Variants in FHIT observed in about 807,000 individuals in gnomAD.
FHIT encodes the protein fragile histidine triad diadenosine triphosphatase.
FHIT carries 19 observed loss-of-function variants against 17.9 expected under a neutral mutation model. The ratio of observed to expected loss-of-function variants is 1.06; its 90% confidence interval spans 0.74 to 1.56. FHIT has a LOEUF of 1.56. Among genes scored for constraint, FHIT ranks in the 40% most tolerant of loss-of-function variants. The pLI, the probability that FHIT is intolerant of heterozygous loss-of-function variation, is 0.00. For missense variants in FHIT, 248 were observed against 189.2 expected, an observed-to-expected ratio of 1.31 and a Z score of -1.82; for synonymous variants, 81 against 69.7, an observed-to-expected ratio of 1.16 and a Z score of -0.81.
At chr3:61,064,052 C>T (rs2034520977) in intron 2 of FHIT, among the ~76,000 whole-genome samples, 1 of 152,216 alleles carries the variant, frequency 6.6e-6, no homozygotes, top group African/African-American at 2.4e-5. Context: ...GGAAGATAGG[C>T]CTTACTCTCA....
chr3:60,813,931 C>T (rs1701649379), intron 4 of FHIT, among the ~76,000 whole-genome samples: 1 of 152,048 alleles, frequency 6.6e-6, no homozygotes, highest in South Asian at 2.1e-4. Flanking sequence ...ATGCTGTTTC[C>T]ATGGTGTATT....
intron 2 of FHIT, among the ~76,000 whole-genome samples, chr3:61,064,690 C>T (rs531958850): frequency 3.1e-4 from 47 of 152,160 alleles, no homozygotes; most frequent in Non-Finnish European, 5.7e-4. Context: ...AACGCCCACA[C>T]GCTGCTTCAA....
chr3:60,194,802 G>A (rs1265332017), intron 5 of FHIT, among the ~76,000 whole-genome samples: 1 of 152,076 alleles, frequency 6.6e-6, no homozygotes, highest in Non-Finnish European at 1.5e-5. Context: ...CTCAAAAGAA[G>A]ATATACAAGT....
chr3:59,776,698 T>C (rs1489390281), intron 8 of FHIT, among the ~76,000 whole-genome samples: 2 of 152,192 alleles, frequency 1.3e-5, no homozygotes, highest in African/African-American at 4.8e-5. Flanking sequence ...ATTCTCCCCT[T>C]CAATAATAAT....
chr3:59,815,399 A>G (rs1048194326), intron 8 of FHIT, among the ~76,000 whole-genome samples: 4 of 152,188 alleles, frequency 2.6e-5, no homozygotes, highest in Non-Finnish European at 5.9e-5. Context: ...AGAGGAAAAG[A>G]TGTCATTATA....
intron 5 of FHIT, among the ~76,000 whole-genome samples, chr3:60,198,496 A>G (rs1702748538): frequency 6.6e-6 from 1 of 152,110 alleles, no homozygotes. Flanking sequence ...TACTGCATGC[A>G]TACCTTCCCA....
At chr3:60,019,658 T>C (rs999460067) in intron 5 of FHIT, among the ~76,000 whole-genome samples, 2 of 152,154 alleles carry the variant, frequency 1.3e-5, no homozygotes, top group South Asian at 2.1e-4. Context: ...CCTTAGGTGA[T>C]CCACCTGCCT....
At chr3:60,675,680 A>G (rs782203766) in intron 4 of FHIT, among the ~76,000 whole-genome samples, 4 of 152,200 alleles carry the variant, frequency 2.6e-5, no homozygotes, top group African/African-American at 4.8e-5. Context: ...ATCTGTCTCT[A>G]TGATAGACTC....
intron 3 of FHIT, among the ~76,000 whole-genome samples, chr3:60,838,659 A>G (rs912393822): frequency 2.0e-5 from 3 of 152,118 alleles, no homozygotes; most frequent in African/African-American, 7.2e-5. Context: ...CCTGAGTCTC[A>G]GCAGAAACTC....
intron 2 of FHIT, among the ~76,000 whole-genome samples, chr3:61,046,519 G>A (rs1188271518): frequency 1.1e-4 from 17 of 152,158 alleles, no homozygotes; most frequent in Admixed American, 1.1e-3. Flanking sequence ...ACCAAAAAAA[G>A]TCCAGGACCC....
At chr3:59,754,504 A>G (rs1468132097) in intron 8 of FHIT, among the ~76,000 whole-genome samples, 1 of 142,748 alleles carries the variant, frequency 7.0e-6, no homozygotes, top group Non-Finnish European at 1.5e-5. Context: ...AATCCATCTT[A>G]TCTTATAACA....
chr3:60,085,129 C>T (rs1025078432), intron 5 of FHIT, among the ~76,000 whole-genome samples: 2 of 152,206 alleles, frequency 1.3e-5, no homozygotes, highest in Non-Finnish European at 2.9e-5. Flanking sequence ...TCCTTCCTCA[C>T]ACACTCAAAA....
At chr3:60,979,692 C>T (rs975997489) in intron 3 of FHIT, among the ~76,000 whole-genome samples, 3 of 152,174 alleles carry the variant, frequency 2.0e-5, no homozygotes, top group African/African-American at 7.2e-5. Flanking sequence ...GTGCCAACCA[C>T]AGAAGTGCCA....
At chr3:59,801,179 C>T (rs1174706947) in intron 8 of FHIT, among the ~76,000 whole-genome samples, 1 of 152,274 alleles carries the variant, frequency 6.6e-6, no homozygotes, top group East Asian at 1.9e-4. Flanking sequence ...AATGCTTCAC[C>T]TGGAGTACCT....
intron 4 of FHIT, among the ~76,000 whole-genome samples, chr3:60,739,050 C>G (rs2042191450): frequency 6.6e-6 from 1 of 152,154 alleles, no homozygotes; most frequent in Admixed American, 6.5e-5. Context: ...CAGCTGGGGG[C>G]AGTCGGAGAA....
chr3:61,207,368 T>C (rs569295835), intron 1 of FHIT, among the ~76,000 whole-genome samples: 5 of 152,342 alleles, frequency 3.3e-5, no homozygotes, highest in Non-Finnish European at 7.3e-5. Context: ...CTTTTTCTAT[T>C]GACTGGAATA....
chr3:59,993,614 A>G (rs1699381359), intron 7 of FHIT, among the ~76,000 whole-genome samples: 1 of 151,982 alleles, frequency 6.6e-6, no homozygotes, highest in African/African-American at 2.4e-5. Context: ...AGACAATTAA[A>G]TGTGGTTTAA....
chr3:59,971,345 T>C (rs1708171854), intron 7 of FHIT, among the ~76,000 whole-genome samples: 1 of 152,122 alleles, frequency 6.6e-6, no homozygotes. Flanking sequence ...ACCACTATTA[T>C]TATCTTTGTG....
intron 5 of FHIT, among the ~76,000 whole-genome samples, chr3:60,326,035 C>A (rs972176073): frequency 9.2e-5 from 14 of 152,078 alleles, no homozygotes; most frequent in Admixed American, 4.6e-4. Flanking sequence ...AGAACTTGAC[C>A]ATGAGCTGGC....
Sources: gnomAD v4.1 joint callset for allele counts (sites outside exome capture counted in the v4.1 genomes callset) on GRCh38, gnomAD v4.1.1 for gene constraint, MANE v1.5 for transcripts, NCBI Gene and HGNC (gene_info 2026-07-23, HGNC 2026-07-21) for gene names.